TMEM30A: variants seen among roughly 807,000 people sequenced by gnomAD.
The protein encoded by TMEM30A is cell cycle control protein 50A.
Under a neutral mutation model 38.2 loss-of-function variants are expected in TMEM30A, and 24 were observed. The observed-to-expected ratio is 0.63, with a 90% CI of 0.46 to 0.88. The LOEUF (loss-of-function observed/expected upper bound fraction) is 0.88. Ranked by LOEUF, TMEM30A falls within the 40% of genes least tolerant of loss-of-function variation. TMEM30A has a pLI of 0.00. For missense variants in TMEM30A, 370 were observed against 458.6 expected (o/e 0.81, Z 1.77); for synonymous variants, 145 against 161.6 (o/e 0.90, Z 0.78).
rs772268316 is a variant in TMEM30A, at chr6:75,258,948, T to G, written c.724A>C (p.Met242Leu). The change falls in exon 6 of 7, where the codon ATG becomes CTG. Residue 242 changes from methionine to leucine, a missense_variant. Transcript: ENST00000230461. ...KPVNWLKPVYMLDSDPDNNGF... is the reference protein window; with the variant it reads ...KPVNWLKPVYLLDSDPDNNGF... ...TTATTATCTGGGTCAGAATCCAGCATGTAAACTGGTTTAAGCCAGTTCACA... is the reference window on the plus strand; with the variant it reads ...TTATTATCTGGGTCAGAATCCAGCAGGTAAACTGGTTTAAGCCAGTTCACA... The G allele has an allele frequency of 8.1e-6, 13 of 1,613,728 alleles. No individual in the cohort carries two copies. Among genetic ancestry groups the G allele is most frequent in the Non-Finnish European group, 1.0e-5 (12 of 1,179,942 alleles).
intron 1 of TMEM30A, 98 bp downstream of exon 1, chr6:75,284,304 A>C (rs1772418262): frequency 8.4e-7 from 1 of 1,190,342 alleles, no homozygotes; most frequent in Admixed American, 1.7e-5. Context: ...GAGGTCAGCC[A>C]GTCAACTGGA....
intron 1 of TMEM30A, among the ~76,000 whole-genome samples, chr6:75,270,707 G>C (rs1419838395): frequency 2.0e-5 from 3 of 152,172 alleles, no homozygotes; most frequent in Admixed American, 2.0e-4. Context: ...AGACACCGTA[G>C]TACTCCTTGG....
chr6:75,271,645 C>T (rs908511318), intron 1 of TMEM30A, among the ~76,000 whole-genome samples: 1 of 152,160 alleles, frequency 6.6e-6, no homozygotes, highest in African/African-American at 2.4e-5. Flanking sequence ...ATAGCATTAT[C>T]TCCATTTTAT....
chr6:75,273,982 AT>A (rs1259174649), intron 1 of TMEM30A, among the ~76,000 whole-genome samples: 24 of 152,366 alleles, frequency 1.6e-4, no homozygotes, highest in Non-Finnish European at 4.4e-5. Flanking sequence ...GGAAAAATAC[AT>A]TGTTCATGCT....
chr6:75,269,720 G>T (rs571301515), intron 1 of TMEM30A, among the ~76,000 whole-genome samples: 1 of 151,234 alleles, frequency 6.6e-6, no homozygotes, highest in African/African-American at 2.4e-5. Context: ...TTTTTGAGAC[G>T]GAGTCTCACT....
chr6:75,283,902 C>T (rs995793756), intron 1 of TMEM30A, among the ~76,000 whole-genome samples: 3 of 152,196 alleles, frequency 2.0e-5, no homozygotes, highest in African/African-American at 7.2e-5. Flanking sequence ...AATACCTCTA[C>T]GACTCTGGTT....
intron 3 of TMEM30A, 104 bp from the exon 4 acceptor site, chr6:75,261,015 T>C (rs1771956259): frequency 2.8e-6 from 2 of 702,308 alleles, no homozygotes; most frequent in African/African-American, 1.8e-5. Flanking sequence ...CCTATATTTT[T>C]CTCACTTATA....
chr6:75,269,264 G>A lies in TMEM30A; in HGVS notation c.238-1516C>T, dbSNP rs1224587925. On this transcript the variant is annotated intron_variant, in intron 1 of 6. Transcript: ENST00000230461. ...AGTATCCACCATTATGTTATCATAC[G>A]GAATAGTCTCTCTGCCCTAAAAAAC... Among the ~76,000 whole-genome samples, 4 of 151,974 alleles carry A rather than the reference G, an allele frequency of 2.6e-5. No homozygotes were observed. In the East Asian group the frequency reaches 5.8e-4, roughly 22 times the overall value.
In TMEM30A at chr6:75,256,246, A is replaced by G. The variant is rs766433803; in HGVS notation, c.942T>C (p.Thr314=). The part of the protein sequence containing the change: ...FDGRKRMILS[T]ISWMGGKNPF... ...GATTTTTTCCTCCCATCCATGAAAT[A>G]GTGCTCAAGATCATCCGTTTTCGTC... Residue 314 remains threonine (T), a synonymous_variant, in exon 7 of 7, where the codon ACT becomes ACC. Transcript: ENST00000230461. The G allele has an allele frequency of 1.9e-6, 3 of 1,613,646 alleles. No homozygotes were observed. Among genetic ancestry groups the G allele is most frequent in the South Asian group, 2.2e-5 (2 of 91,060 alleles).
At chr6:75,275,279 T>C (rs1216636754) in intron 1 of TMEM30A, among the ~76,000 whole-genome samples, 2 of 152,170 alleles carry the variant, frequency 1.3e-5, no homozygotes, top group Non-Finnish European at 2.9e-5. Context: ...CTTAGGCCTT[T>C]ATACACCATC....
chr6:75,272,007 A>G (rs915365307), intron 1 of TMEM30A, among the ~76,000 whole-genome samples: 1 of 152,208 alleles, frequency 6.6e-6, no homozygotes, highest in Non-Finnish European at 1.5e-5. Flanking sequence ...AGAGGTGGAA[A>G]TCACAAGGTA....
intron 3 of TMEM30A, among the ~76,000 whole-genome samples, chr6:75,264,839 T>G (rs983276042): frequency 5.3e-5 from 8 of 150,994 alleles, no homozygotes; most frequent in African/African-American, 2.0e-4. Flanking sequence ...TGGTGGCTCA[T>G]GCCTGTAATC....
At chr6:75,275,466 CCCA>C (rs1772244724) in intron 1 of TMEM30A, among the ~76,000 whole-genome samples, 1 of 152,142 alleles carries the variant, frequency 6.6e-6, no homozygotes, top group Non-Finnish European at 1.5e-5. Context: ...TTCTGCTTCC[CCCA>C]CCACATCCTC....
chr6:75,269,654 TAC>T (rs369226292), intron 1 of TMEM30A, among the ~76,000 whole-genome samples: 142 of 152,324 alleles, frequency 9.3e-4, no homozygotes, highest in African/African-American at 3.2e-3. Context: ...CTTGGCTAAA[TAC>T]AAGGTATGCA....
In TMEM30A at chr6:75,256,243, A is replaced by G. The variant is rs758471207; in HGVS notation, c.945T>C (p.Ile315=). Residue 315 remains isoleucine, a synonymous_variant, in exon 7 of 7, where the codon ATT becomes ATC. Transcript: ENST00000230461. ...DGRKRMILST[I]SWMGGKNPFL... Reference sequence around the variant, plus strand: ...ATGGATTTTTTCCTCCCATCCATGAAATAGTGCTCAAGATCATCCGTTTTC... The same window carrying G: ...ATGGATTTTTTCCTCCCATCCATGAGATAGTGCTCAAGATCATCCGTTTTC... 6.2e-7 allele frequency: 1 copy of G among 1,613,506 alleles called. No individual in the cohort carries two copies. The highest frequency in any genetic ancestry group is 2.2e-5 in the East Asian group (1 of 44,864).
chr6:75,281,968 T>C (rs913029840), intron 1 of TMEM30A, among the ~76,000 whole-genome samples: 1 of 152,218 alleles, frequency 6.6e-6, no homozygotes, highest in African/African-American at 2.4e-5. Flanking sequence ...AATATATATG[T>C]GGATTCTGTC....
At chr6:75,282,332 T>G (rs1438326995) in intron 1 of TMEM30A, among the ~76,000 whole-genome samples, 1 of 152,214 alleles carries the variant, frequency 6.6e-6, no homozygotes, top group African/African-American at 2.4e-5. Flanking sequence ...TGAGAGCCAT[T>G]TGAAAAATTT....
intron 4 of TMEM30A, among the ~76,000 whole-genome samples, chr6:75,260,393 G>A (rs1771944607): frequency 6.6e-6 from 1 of 151,438 alleles, no homozygotes. Context: ...GCGACAGAAT[G>A]ACGCTCCATC....
chr6:75,262,167 C>T (rs148409201), intron 3 of TMEM30A, among the ~76,000 whole-genome samples: 4 of 151,848 alleles, frequency 2.6e-5, no homozygotes, highest in Non-Finnish European at 4.4e-5. Flanking sequence ...GGCAACATGG[C>T]GAAATCCCAT....
Sources: allele counts gnomAD v4.1 joint callset (sites outside exome capture counted in the v4.1 genomes callset), GRCh38; gene constraint gnomAD v4.1.1; transcripts MANE v1.5; gene names NCBI Gene and HGNC (gene_info 2026-07-23, HGNC 2026-07-21).